NUP210: variants seen among roughly 807,000 people sequenced by gnomAD.
The protein encoded by NUP210 is nuclear pore membrane glycoprotein 210.
NUP210 carries 151 observed loss-of-function variants against 196.0 expected under a neutral mutation model. The ratio of observed to expected loss-of-function variants is 0.77; its 90% confidence interval spans 0.67 to 0.88. The LOEUF is 0.88. NUP210 is among the 40% of genes least tolerant of loss of function. The probability of loss-of-function intolerance (pLI) is 0.00; values close to 1 mark genes in which losing one functional copy is unlikely to be tolerated. For synonymous variants in NUP210, 1,070 were observed against 1,052.7 expected (o/e 1.02, Z -0.32); for missense variants, 2,314 against 2,493.7 (o/e 0.93, Z 1.53).
At chr3:13,396,651 T>C (rs1017256248) in intron 3 of NUP210, among the ~76,000 whole-genome samples, 2 of 146,442 alleles carry the variant, frequency 1.4e-5, no homozygotes, top group Non-Finnish European at 3.0e-5. Flanking sequence ...TCCTAGCTAC[T>C]TGGGAGGCTG....
chr3:13,316,451 G>GCCAT lies in NUP210; in HGVS notation c.*1226_*1229dup, dbSNP rs1268470482. The GCCAT allele has an allele frequency of 1.3e-5, 2 of 152,272 alleles. No homozygotes were observed. The highest frequency in any genetic ancestry group is 4.8e-5 in the African/African-American group (2 of 41,464). 9.4% of individuals were successfully genotyped at this position (152,272 alleles called of 1,614,324 possible). A position where few individuals can be genotyped will look rare whatever the true frequency, so the allele number is the denominator to read the frequency against. On this transcript the variant is annotated 3_prime_UTR_variant, in exon 40 of 40. Transcript: ENST00000254508. Reference sequence around the variant, plus strand: ...TCCACACAGCGTCCACGCATGGATGGCCATGGGCATGAGTCTCTGGATCTC... The same window carrying GCCAT: ...TCCACACAGCGTCCACGCATGGATGGCCATCCATGGGCATGAGTCTCTGGATCTC...
Position 13,373,747 on chromosome 3 carries a change from G to T in NUP210, c.1558C>A (p.Gln520Lys). The T allele has an allele frequency of 6.2e-7, 1 of 1,614,164 alleles. No individual in the cohort carries two copies. ...ATCTCACCGAAATGGAGTGGGTTCT[G>T]CACATCATGTGCCTGGATCACACTG... is the stretch of plus-strand genomic sequence containing the variant. ...GFSVIQAHDV[Q>K]NPLHFGEMKV... The change falls in exon 12 of 40, where the codon CAG (glutamine) becomes AAG (lysine). Residue 520 changes from glutamine (Q) to lysine (K), a missense_variant. Gln to Lys is a moderately conservative substitution (Grantham distance 53). Coordinates refer to ENST00000254508, the MANE Select transcript of NUP210 (RefSeq NM_024923.4).
chr3:13,323,812 G>A lies in NUP210; in HGVS notation c.4645-380C>T, dbSNP rs1046361994. ...AATCCAGTCTGCCCAGATTTTCCCAGCTGTTCCCCCTGTGCCCATCCTGTA... is the reference window on the plus strand; with the variant it reads ...AATCCAGTCTGCCCAGATTTTCCCAACTGTTCCCCCTGTGCCCATCCTGTA... On this transcript the variant is annotated intron_variant, in intron 33 of 39. Transcript: ENST00000254508. This position sits in a 1 kb window ranked among gnomAD's most constrained non-coding sequence, Gnocchi z 4.3. 1.3e-5 allele frequency among the ~76,000 whole-genome samples: 2 copies of A among 152,072 alleles called. No individual in the cohort carries two copies. The highest frequency in any genetic ancestry group is 2.9e-5 in the Non-Finnish European group (2 of 67,994).
intron 1 of NUP210, among the ~76,000 whole-genome samples, chr3:13,407,251 T>A (rs1700033351): frequency 6.6e-6 from 1 of 152,196 alleles, no homozygotes; most frequent in East Asian, 1.9e-4. Flanking sequence ...AACTTTGCTT[T>A]TTAAAGAAAG....
At chr3:13,395,405 C>CCTCCTGGGCTCAAGCGATTCTCTT (rs1699619622) in intron 3 of NUP210, among the ~76,000 whole-genome samples, 1 of 152,224 alleles carries the variant, frequency 6.6e-6, no homozygotes, top group Non-Finnish European at 1.5e-5. Flanking sequence ...GCAGCCTCCG[C>CCTCCTGGGCTCAAGCGATTCTCTT]CTCCTGGGCT....
At position 13,379,609 on chromosome 3, in the gene NUP210, G is replaced by A; in HGVS notation, c.930C>T (p.Val310=). The A allele has an allele frequency of 6.2e-7, 1 of 1,614,138 alleles. No individual in the cohort carries two copies. Among genetic ancestry groups the A allele is most frequent in the Non-Finnish European group, 8.5e-7 (1 of 1,180,030 alleles). The change falls in exon 7 of 40, where the codon GTC becomes GTT. Residue 310 remains valine (V), a synonymous_variant. Transcript: ENST00000254508. This position sits in a 1 kb window ranked among gnomAD's most constrained non-coding sequence, Gnocchi z 4.2. ...VAVLAQDTSM[V]TALQLGQSSL... is the part of the protein sequence containing the mutation. Reference sequence around the variant, plus strand: ...TGCTCTGTCCCAGCTGCAGTGCAGTGACCATCGACGTGTCCTGGGCCAAGA... The same window carrying A: ...TGCTCTGTCCCAGCTGCAGTGCAGTAACCATCGACGTGTCCTGGGCCAAGA...
intron 28 of NUP210, among the ~76,000 whole-genome samples, chr3:13,333,044 C>T (rs996564714): frequency 1.3e-5 from 2 of 152,244 alleles, no homozygotes; most frequent in Admixed American, 6.5e-5. Flanking sequence ...CTCCCAGGCT[C>T]CTCTGGCTGG....
rs377240381 is a variant in NUP210 at position 13,376,337 on chromosome 3, C to T, written c.1247G>A (p.Arg416Lys). ...GGCCGCGTCAATGGCCGTCTGTCCCCTCTTTAGTGCCCTGATGCGATGGTA... is the reference window on the plus strand; with the variant it reads ...GGCCGCGTCAATGGCCGTCTGTCCCTTCTTTAGTGCCCTGATGCGATGGTA... ...GSYHRIRALKRGQTAIDAALT... is the reference protein window; with the variant it reads ...GSYHRIRALKKGQTAIDAALT... The change falls in exon 10 of 40, where the codon AGG becomes AAG. Residue 416 changes from arginine (R) to lysine (K), a missense_variant. By Grantham distance (26) the Arg-to-Lys change is conservative. Coordinates refer to ENST00000254508, the MANE Select transcript of NUP210 (RefSeq NM_024923.4). 4.3e-6 allele frequency: 7 copies of T among 1,614,060 alleles called. No homozygotes were observed. Among genetic ancestry groups the T allele is most frequent in the Admixed American group, 1.7e-5 (1 of 60,008 alleles).
At chr3:13,408,307 AT>A (rs201130455) in intron 1 of NUP210, among the ~76,000 whole-genome samples, 35 of 150,290 alleles carry the variant, frequency 2.3e-4, no homozygotes, top group Middle Eastern at 3.5e-3. Context: ...GGTCTGTGGG[AT>A]TTTTTTTTTC....
intron 18 of NUP210, among the ~76,000 whole-genome samples, chr3:13,352,751 C>T (rs1698022683): frequency 6.6e-6 from 1 of 152,192 alleles, no homozygotes; most frequent in African/African-American, 2.4e-5. Flanking sequence ...CGGGGTGCAG[C>T]AACTGCCGGC....
intron 20 of NUP210, 106 bp downstream of exon 20, chr3:13,351,773 C>T (rs747608412): frequency 7.8e-6 from 6 of 766,126 alleles, no homozygotes; most frequent in African/African-American, 1.7e-5. Context: ...TCTGGGATTC[C>T]GAGTGTGAGT....
At chr3:13,388,725 C>T (rs1699368903) in intron 4 of NUP210, among the ~76,000 whole-genome samples, 1 of 152,270 alleles carries the variant, frequency 6.6e-6, no homozygotes, top group South Asian at 2.1e-4. Context: ...TATCCACACG[C>T]ACACGTGACG....
At chr3:13,332,734 C>T (rs1559311164) in intron 28 of NUP210, among the ~76,000 whole-genome samples, 2 of 106,664 alleles carry the variant, frequency 1.9e-5, no homozygotes, top group Non-Finnish European at 4.1e-5. Context: ...CTCACACACA[C>T]ACACACACAT....
At position 13,336,920 on chromosome 3, in the gene NUP210, T is replaced by G; in HGVS notation, c.3553-2A>C. On this transcript the variant is annotated splice_acceptor_variant, in intron 26 of 39. Coordinates refer to ENST00000254508, the MANE Select transcript of NUP210 (RefSeq NM_024923.4). LOFTEE classifies it high-confidence loss of function. ...GATGCCGGTGACATAGATGGGCATC[T>G]GCAGGGGAGAAGTCAGGCCCAGTGA... 6.2e-7 allele frequency: 1 copy of G among 1,613,148 alleles called. No individual in the cohort carries two copies.
chr3:13,343,339 T>TGGGGGGGGGGGTGGG, intron 20 of NUP210, 36 bp from the exon 21 acceptor site: 64 of 282,340 alleles, frequency 2.3e-4, no homozygotes, highest in Middle Eastern at 1.8e-3. Context: ...GGGTGGGTGG[T>TGGGGGGGGGGGTGGG]GGGTTACGCA....
At chr3:13,329,022 G>A in intron 30 of NUP210, 76 bp from the exon 31 acceptor site, 1 of 1,306,624 alleles carries the variant, frequency 7.7e-7, no homozygotes, top group Non-Finnish European at 1.1e-6. Context: ...CTCCCAAGGA[G>A]GGGACACCTG....
At chr3:13,406,393 G>A (rs543276419) in intron 1 of NUP210, among the ~76,000 whole-genome samples, 70 of 152,240 alleles carry the variant, frequency 4.6e-4, no homozygotes, top group African/African-American at 1.6e-3. Context: ...GAAGAGGCAC[G>A]TGGCTACAAC....
At chr3:13,362,146 G>C (rs1209265681) in intron 14 of NUP210, among the ~76,000 whole-genome samples, 2 of 152,140 alleles carry the variant, frequency 1.3e-5, no homozygotes, top group Non-Finnish European at 2.9e-5. Context: ...TTCTCTGTCT[G>C]TGGCATGATC....
intron 17 of NUP210, 70 bp from the exon 18 acceptor site, chr3:13,353,730 C>T: frequency 7.1e-7 from 1 of 1,404,468 alleles, no homozygotes; most frequent in Non-Finnish European, 1.0e-6. Context: ...GCCCCTCCCT[C>T]CTTCTGATTT....
Sources: gnomAD v4.1 joint callset for allele counts (sites outside exome capture counted in the v4.1 genomes callset) on GRCh38, gnomAD v4.1.1 for gene constraint, Gnocchi (gnomAD v3.1) non-coding constraint, MANE v1.5 for transcripts, NCBI Gene and HGNC (gene_info 2026-07-23, HGNC 2026-07-21) for gene names.